NCKAP5: variants seen among roughly 807,000 people sequenced by gnomAD.
The protein encoded by NCKAP5 is NCK associated protein 5.
Under a neutral mutation model 167.0 loss-of-function variants are expected in NCKAP5, and 92 were observed. The observed-to-expected ratio is 0.55, with a 90% CI of 0.47 to 0.66. NCKAP5 has a LOEUF of 0.66. Among genes scored for constraint, NCKAP5 ranks in the 30% least tolerant of loss-of-function variants. The pLI, the probability that NCKAP5 is intolerant of heterozygous loss-of-function variation, is 0.00. For missense variants in NCKAP5, 2,378 were observed against 2,315.0 expected (o/e 1.03, Z -0.56); for synonymous variants, 891 against 877.4 (o/e 1.02, Z -0.27).
At chr2:133,068,292 G>T (rs984767475) in intron 6 of NCKAP5, among the ~76,000 whole-genome samples, 5 of 152,208 alleles carry the variant, frequency 3.3e-5, no homozygotes, top group Non-Finnish European at 5.9e-5. Flanking sequence ...GGACAGAGCT[G>T]CAAATGTCCT....
the NCKAP5 span, among the ~76,000 whole-genome samples, chr2:133,602,230 G>A: frequency 6.6e-6 from 1 of 152,118 alleles, no homozygotes; most frequent in Non-Finnish European, 1.5e-5. Context: ...TGTTTGACCT[G>A]AGCCTTGGAC....
At chr2:133,192,436 T>C (rs2085267376) in intron 5 of NCKAP5, among the ~76,000 whole-genome samples, 1 of 152,060 alleles carries the variant, frequency 6.6e-6, no homozygotes, top group African/African-American at 2.4e-5. Flanking sequence ...TTTTGTTCTG[T>C]GAAATATCCA....
At chr2:133,413,490 A>G (rs1357123643) in intron 3 of NCKAP5, among the ~76,000 whole-genome samples, 1 of 152,074 alleles carries the variant, frequency 6.6e-6, no homozygotes, top group African/African-American at 2.4e-5. Context: ...GTGGTGATAT[A>G]CTATAGTTAT....
intron 6 of NCKAP5, among the ~76,000 whole-genome samples, chr2:133,083,621 G>A (rs972048530): frequency 6.6e-6 from 1 of 152,176 alleles, no homozygotes; most frequent in Non-Finnish European, 1.5e-5. Context: ...AAGTTATCAG[G>A]GTGGTGGTAG....
chr2:133,517,537 AT>A lies in NCKAP5; in HGVS notation c.-12del. 6.6e-7 allele frequency: 1 copy of A among 1,507,534 alleles called. No individual in the cohort carries two copies. Among genetic ancestry groups the A allele is most frequent in the Non-Finnish European group, 8.9e-7 (1 of 1,123,068 alleles). 93.4% of individuals were successfully genotyped at this position (1,507,534 alleles called of 1,614,324 possible). A position where few individuals can be genotyped will look rare whatever the true frequency, so the allele number is the denominator to read the frequency against. ...TCTCTTTCCCTCCATGGATGAAGTT[AT>A]TTATTTTCTTTTGTGACTTATAAGA... On this transcript the variant is annotated 5_prime_UTR_variant, in exon 3 of 20. Coordinates refer to ENST00000409261, the MANE Select transcript of NCKAP5 (RefSeq NM_207363.3).
intron 3 of NCKAP5, among the ~76,000 whole-genome samples, chr2:133,475,400 A>G (rs1049381029): frequency 1.3e-5 from 2 of 152,214 alleles, no homozygotes; most frequent in African/African-American, 4.8e-5. Flanking sequence ...AAATTTATAT[A>G]AAAGCATGTG....
chr2:133,498,313 A>T (rs914283983), intron 3 of NCKAP5, among the ~76,000 whole-genome samples: 2 of 152,064 alleles, frequency 1.3e-5, no homozygotes, highest in Non-Finnish European at 1.5e-5. Context: ...TCCTTTCAGG[A>T]TATTTACATT....
At chr2:132,912,672 T>G (rs756224207) in intron 8 of NCKAP5, among the ~76,000 whole-genome samples, 4 of 152,192 alleles carry the variant, frequency 2.6e-5, no homozygotes, top group Non-Finnish European at 4.4e-5. Flanking sequence ...CCTCACTGTT[T>G]CCTCTGCTTT....
chr2:133,558,532 T>C (rs551885197), intron 2 of NCKAP5, among the ~76,000 whole-genome samples: 2 of 151,572 alleles, frequency 1.3e-5, no homozygotes, highest in African/African-American at 2.4e-5. Context: ...GAAGACCCTA[T>C]AGAAGGAGTC....
chr2:133,217,102 T>C (rs1376579717), intron 4 of NCKAP5, among the ~76,000 whole-genome samples: 1 of 152,116 alleles, frequency 6.6e-6, no homozygotes, highest in Non-Finnish European at 1.5e-5. Flanking sequence ...GAAGCTTTGG[T>C]AAATTAAGGC....
intron 4 of NCKAP5, 97 bp from the exon 5 acceptor site, chr2:133,213,876 T>A (rs13393624): frequency 0.092 from 109,465 of 1,189,422 alleles, 5,944 homozygotes; most frequent in South Asian, 0.15. Flanking sequence ...CTAGAGGAAT[T>A]CCTTCCTTGG....
rs1178447718 is a variant in NCKAP5, at chr2:132,781,972, C to T, written c.4839G>A (p.Thr1613=). 10 of 1,613,254 alleles carry T rather than the reference C, an allele frequency of 6.2e-6. No homozygotes were observed. Among genetic ancestry groups the T allele is most frequent in the South Asian group, 2.2e-5 (2 of 90,934 alleles). The part of the protein sequence containing the change: ...RNRHSPVACS[T]KDTFMTELLN... ...AGAGTTCCGTCATGAAGGTGTCTTTCGTTGAACATGCAACAGGGCTGTGTC... is the reference window on the plus strand; with the variant it reads ...AGAGTTCCGTCATGAAGGTGTCTTTTGTTGAACATGCAACAGGGCTGTGTC... The change falls in exon 14 of 20, where the codon ACG becomes ACA. Residue 1613 remains threonine (T), a synonymous_variant. Transcript: ENST00000409261.
chr2:133,274,187 G>A (rs2089635110), intron 4 of NCKAP5, among the ~76,000 whole-genome samples: 1 of 151,808 alleles, frequency 6.6e-6, no homozygotes, highest in African/African-American at 2.4e-5. Flanking sequence ...TAAGAGAGCA[G>A]TTTGTTTACT....
At chr2:133,363,126 T>C (rs1685233281) in intron 3 of NCKAP5, among the ~76,000 whole-genome samples, 1 of 152,044 alleles carries the variant, frequency 6.6e-6, no homozygotes, top group Non-Finnish European at 1.5e-5. Flanking sequence ...TAGATGATCA[T>C]TTTGTGAGGT....
chr2:133,087,388 A>G (rs1264664061), intron 6 of NCKAP5, among the ~76,000 whole-genome samples: 1 of 152,232 alleles, frequency 6.6e-6, no homozygotes, highest in Non-Finnish European at 1.5e-5. Flanking sequence ...GATTAAAGGG[A>G]GAATTTATTG....
rs149155548 is a variant in NCKAP5 at position 132,821,179 on chromosome 2, C to T, written c.808-24450G>A. ...TGAAAGGAGTACTCCACTGCAAATT[C>T]CATGAAACAGGTGAAAAACTGTGAG... is the stretch of plus-strand genomic sequence containing the variant. On this transcript the variant is annotated intron_variant, in intron 11 of 19. Coordinates refer to ENST00000409261, the MANE Select transcript of NCKAP5 (RefSeq NM_207363.3). Among the ~76,000 whole-genome samples, 212 of 152,246 alleles carry T rather than the reference C, an allele frequency of 1.4e-3. 1 individual carries two copies. The highest frequency in any genetic ancestry group is 4.8e-3 in the African/African-American group (201 of 41,534).
chr2:132,675,874 C>T (rs1477524012), intron 19 of NCKAP5, among the ~76,000 whole-genome samples: 1 of 149,140 alleles, frequency 6.7e-6, no homozygotes, highest in African/African-American at 2.5e-5. Context: ...GAAACATGAA[C>T]TTCTCGGGTT....
chr2:133,142,134 G>C (rs73000815), intron 5 of NCKAP5, among the ~76,000 whole-genome samples: 5,316 of 152,200 alleles, frequency 0.035, 284 homozygotes, highest in African/African-American at 0.12. Flanking sequence ...AGTGAGTGCA[G>C]TTAATCTACA....
At chr2:133,193,072 G>A (rs773566411) in intron 5 of NCKAP5, among the ~76,000 whole-genome samples, 7 of 152,058 alleles carry the variant, frequency 4.6e-5, no homozygotes, top group African/African-American at 1.7e-4. Flanking sequence ...TGATTAAAAA[G>A]AGAAACAATG....
Sources: gnomAD v4.1 joint callset for allele counts (sites outside exome capture counted in the v4.1 genomes callset) on GRCh38, gnomAD v4.1.1 for gene constraint, MANE v1.5 for transcripts, NCBI Gene and HGNC (gene_info 2026-07-23, HGNC 2026-07-21) for gene names.